Variants in PARP15 observed in about 807,000 individuals in gnomAD.
PARP15 encodes the protein poly(ADP-ribose) polymerase family member 15, also known as protein mono-ADP-ribosyltransferase PARP15.
In PARP15, 50 loss-of-function variants were observed where a neutral mutation model predicts 62.1. The observed-to-expected ratio is 0.81, with a 90% CI of 0.64 to 1.02. PARP15 has a LOEUF of 1.02. PARP15 is among the 50% of genes least tolerant of loss of function. PARP15 has a pLI of 0.00. For missense variants in PARP15, 820 were observed against 826.5 expected (o/e 0.99, Z 0.10); for synonymous variants, 309 against 293.1 (o/e 1.05, Z -0.55).
At chr3:122,618,306 A>G (rs1403754075) in intron 6 of PARP15, among the ~76,000 whole-genome samples, 4 of 152,198 alleles carry the variant, frequency 2.6e-5, no homozygotes, top group African/African-American at 7.2e-5. Flanking sequence ...GTATTACAGT[A>G]TACAGTTGTA....
At chr3:122,592,766 G>T (rs1359097391) in intron 1 of PARP15, among the ~76,000 whole-genome samples, 1 of 152,146 alleles carries the variant, frequency 6.6e-6, no homozygotes, top group Non-Finnish European at 1.5e-5. Context: ...TCTGGGTGAG[G>T]AAACTAAGGC....
In PARP15 at chr3:122,577,717, C is replaced by T; in HGVS notation, c.50C>T (p.Pro17Leu). 1.3e-6 allele frequency: 2 copies of T among 1,551,684 alleles called. No individual in the cohort carries two copies. Among genetic ancestry groups the T allele is most frequent in the Non-Finnish European group, 1.7e-6 (2 of 1,146,982 alleles). The change falls in exon 1 of 12, where the codon CCG (proline) becomes CTG (leucine). Residue 17 changes from proline (P) to leucine (L), a missense_variant. Around this residue, in one of 3 missense-constraint regions of PARP15, gnomAD observed 731 missense variants for 727.7 expected, o/e 1.00. Coordinates refer to ENST00000464300, the MANE Select transcript of PARP15 (RefSeq NM_001113523.3). ...GCCGCTGCTCTGAGTCCAGGGGCTC[C>T]GACCCCCAGAGAACTTATGCACGGA... ...LPAAALSPGAPTPRELMHGVA... is the reference protein window; with the variant it reads ...LPAAALSPGALTPRELMHGVA...
At chr3:122,603,164 A>T (rs913563866) in intron 1 of PARP15, among the ~76,000 whole-genome samples, 3 of 152,152 alleles carry the variant, frequency 2.0e-5, no homozygotes, top group African/African-American at 7.2e-5. Flanking sequence ...TCCCTGAAAA[A>T]GTTGCCAGGC....
chr3:122,614,686 T>G (rs1043114643), intron 4 of PARP15, among the ~76,000 whole-genome samples: 3 of 152,152 alleles, frequency 2.0e-5, no homozygotes, highest in Non-Finnish European at 4.4e-5. Context: ...GGTGACATCT[T>G]CAGTAGCAAT....
chr3:122,616,493 C>G (rs1480387293), intron 5 of PARP15, among the ~76,000 whole-genome samples: 1 of 151,968 alleles, frequency 6.6e-6, no homozygotes, highest in Non-Finnish European at 1.5e-5. Context: ...CCACACCCAG[C>G]TAATTTTTCT....
rs1936535960 is a variant in PARP15 at position 122,624,157 on chromosome 3, A to T, written c.1231+2546A>T. On this transcript the variant is annotated intron_variant, in intron 8 of 11. Transcript: ENST00000464300. ...CAAAGTGAGACTCTATCTCGGAAAAAAAAAAAGAAAGAAAGAAAAAATAAA... is the reference window on the plus strand; with the variant it reads ...CAAAGTGAGACTCTATCTCGGAAAATAAAAAAGAAAGAAAGAAAAAATAAA... 2.0e-5 allele frequency among the ~76,000 whole-genome samples: 3 copies of T among 151,946 alleles called. No homozygotes were observed. The South Asian group carries it at 6.2e-4, about 32-fold the overall frequency.
At chr3:122,580,107 C>A (rs552832236) in intron 1 of PARP15, among the ~76,000 whole-genome samples, 1 of 148,718 alleles carries the variant, frequency 6.7e-6, no homozygotes, top group East Asian at 2.0e-4. Flanking sequence ...GGTAAATTTC[C>A]AAGCACACTT....
chr3:122,589,290 C>T lies in PARP15; in HGVS notation c.186+11437C>T, dbSNP rs116539190. Among the ~76,000 whole-genome samples the T allele has an allele frequency of 2.2e-3, 340 of 152,252 alleles. 2 individuals are homozygous for T. The highest frequency in any genetic ancestry group is 7.6e-3 in the African/African-American group (317 of 41,528). ...GTCCACCCTCATGACCTCATCTAAA[C>T]GTAATTGTCTCCCGAGAGCCCCAAC... On this transcript the variant is annotated intron_variant, in intron 1 of 11. Coordinates refer to ENST00000464300, the MANE Select transcript of PARP15 (RefSeq NM_001113523.3).
At chr3:122,617,888 A>AATTT (rs201992449) in intron 6 of PARP15, among the ~76,000 whole-genome samples, 3,909 of 151,914 alleles carry the variant, frequency 0.026, 65 homozygotes, top group Non-Finnish European at 0.04. Flanking sequence ...GCCACCCCCT[A>AATTT]ATTTATTTAT....
chr3:122,612,954 C>A, intron 3 of PARP15, 87 bp from the exon 4 acceptor site: 1 of 1,174,724 alleles, frequency 8.5e-7, no homozygotes. Flanking sequence ...GCAGAGAGGT[C>A]CTTGTCAGAG....
At chr3:122,614,575 A>AT (rs928766115) in intron 4 of PARP15, among the ~76,000 whole-genome samples, 1 of 152,050 alleles carries the variant, frequency 6.6e-6, no homozygotes, top group Non-Finnish European at 1.5e-5. Flanking sequence ...CCAGAGACAT[A>AT]TTTTTTTGCT....
chr3:122,623,910 G>C (rs948503234), intron 8 of PARP15, among the ~76,000 whole-genome samples: 3 of 152,182 alleles, frequency 2.0e-5, no homozygotes, highest in Non-Finnish European at 4.4e-5. Flanking sequence ...TTGCGGGGCT[G>C]AGGCGGGTGG....
intron 1 of PARP15, among the ~76,000 whole-genome samples, chr3:122,584,159 C>T (rs1338723219): frequency 6.6e-6 from 1 of 152,188 alleles, no homozygotes; most frequent in Non-Finnish European, 1.5e-5. Flanking sequence ...TATCTTTTAA[C>T]AAAATTTCTA....
chr3:122,610,765 T>C, intron 3 of PARP15, 35 bp downstream of exon 3: 2 of 1,460,758 alleles, frequency 1.4e-6, no homozygotes, highest in Non-Finnish European at 1.8e-6. Flanking sequence ...ACGTATTGGG[T>C]GGCTTTGGGA....
At chr3:122,590,296 G>A (rs988681412) in intron 1 of PARP15, among the ~76,000 whole-genome samples, 6 of 150,866 alleles carry the variant, frequency 4.0e-5, no homozygotes, top group African/African-American at 9.8e-5. Context: ...ATTTTGAGAT[G>A]GGGTCTCGCT....
Position 122,635,927 on chromosome 3 carries a change from A to C in PARP15, c.1864A>C (p.Thr622Pro). The C allele has an allele frequency of 1.9e-6, 3 of 1,614,154 alleles. No homozygotes were observed. Among genetic ancestry groups the C allele is most frequent in the Non-Finnish European group, 2.5e-6 (3 of 1,180,028 alleles). ...GCACATGTACGTTGTGCGAGTACTT[A>C]CTGGAGTCTTCACAAAGGGACGTGC... ...RKHMYVVRVLTGVFTKGRAGL... is the reference protein window; with the variant it reads ...RKHMYVVRVLPGVFTKGRAGL... The change falls in exon 12 of 12, where the codon ACT (threonine) becomes CCT (proline). Residue 622 changes from threonine to proline, a missense_variant. This residue lies in a region of PARP15 where 84 missense variants were observed against 79.7 expected (regional missense o/e 1.05). Coordinates refer to ENST00000464300, the MANE Select transcript of PARP15 (RefSeq NM_001113523.3).
intron 4 of PARP15, 80 bp from the exon 5 acceptor site, chr3:122,615,699 T>C: frequency 6.2e-7 from 1 of 1,600,742 alleles, no homozygotes; most frequent in South Asian, 1.1e-5. Flanking sequence ...CTCTTTGATA[T>C]CTGATGATCA....
At chr3:122,593,128 C>G (rs867002302) in intron 1 of PARP15, among the ~76,000 whole-genome samples, 7 of 148,248 alleles carry the variant, frequency 4.7e-5, no homozygotes, top group African/African-American at 1.8e-4. Context: ...ATCTATGTAT[C>G]TATCTATCAT....
At chr3:122,589,956 G>C (rs77764567) in intron 1 of PARP15, among the ~76,000 whole-genome samples, 1,705 of 146,438 alleles carry the variant, frequency 0.012, 34 homozygotes, top group African/African-American at 0.039. Flanking sequence ...CACAATCTTG[G>C]CTCACTGCAA....
Sources: allele counts gnomAD v4.1 joint callset (sites outside exome capture counted in the v4.1 genomes callset), GRCh38; gene constraint gnomAD v4.1.1; regional missense constraint gnomAD v4.1.1; transcripts MANE v1.5; gene names NCBI Gene and HGNC (gene_info 2026-07-23, HGNC 2026-07-21).